The following R3HDM2 variants were observed in gnomAD, a reference collection of about 807,000 sequenced individuals.
The protein encoded by R3HDM2 is R3H domain containing 2.
In R3HDM2, 38 loss-of-function variants were observed where a neutral mutation model predicts 124.5. The observed-to-expected ratio is 0.31, with a 90% confidence interval of 0.24 to 0.40. The LOEUF is 0.40. R3HDM2 is among the 10% of genes least tolerant of loss of function. R3HDM2 has a pLI of 1.00. For missense variants in R3HDM2, 869 were observed against 1,236.9 expected (o/e 0.70, Z 4.46); for synonymous variants, 391 against 448.0 (o/e 0.87, Z 1.61).
chr12:57,387,840 C>A (rs1029276494), intron 2 of R3HDM2, among the ~76,000 whole-genome samples: 3 of 152,092 alleles, frequency 2.0e-5, no homozygotes, highest in Non-Finnish European at 4.4e-5. Flanking sequence ...GAACACCAAA[C>A]TGAGAGTAGT....
intron 17 of R3HDM2, 68 bp downstream of exon 17, chr12:57,268,854 C>G: frequency 6.4e-7 from 1 of 1,551,820 alleles, no homozygotes; most frequent in Non-Finnish European, 8.8e-7. Flanking sequence ...TATGGATGAC[C>G]CTGGGAGGCT....
chr12:57,276,408 CTG>C (rs1170502369), intron 14 of R3HDM2, among the ~76,000 whole-genome samples: 3 of 151,796 alleles, frequency 2.0e-5, no homozygotes, highest in East Asian at 3.9e-4. Flanking sequence ...GGTAAAGAAA[CTG>C]TGGTATATAC....
intron 2 of R3HDM2, among the ~76,000 whole-genome samples, chr12:57,376,682 G>A (rs563457588): frequency 6.6e-6 from 1 of 152,158 alleles, no homozygotes; most frequent in South Asian, 2.1e-4. Flanking sequence ...GGGGGCAGTG[G>A]CTCACACCTA....
At chr12:57,257,062 G>T (rs909050194) in intron 21 of R3HDM2, among the ~76,000 whole-genome samples, 1 of 151,968 alleles carries the variant, frequency 6.6e-6, no homozygotes, top group Non-Finnish European at 1.5e-5. Flanking sequence ...CAGGTGATCC[G>T]CCTGCCCCGG....
chr12:57,282,869 A>G (rs911611587), intron 13 of R3HDM2, among the ~76,000 whole-genome samples: 2 of 152,224 alleles, frequency 1.3e-5, no homozygotes, highest in Non-Finnish European at 2.9e-5. Flanking sequence ...GAGGATAACT[A>G]CAGAACTTCT....
chr12:57,344,988 C>T (rs912140825), intron 2 of R3HDM2, among the ~76,000 whole-genome samples: 1 of 152,116 alleles, frequency 6.6e-6, no homozygotes, highest in African/African-American at 2.4e-5. Flanking sequence ...GCATGCACCA[C>T]CATGTCCGGC....
intron 2 of R3HDM2, among the ~76,000 whole-genome samples, chr12:57,383,689 G>C (rs2065248066): frequency 6.6e-6 from 1 of 152,034 alleles, no homozygotes; most frequent in South Asian, 2.1e-4. Context: ...GTAACAGAGC[G>C]AGACTCCGTC....
chr12:57,349,462 G>A (rs1427872162), intron 2 of R3HDM2, among the ~76,000 whole-genome samples: 1 of 149,780 alleles, frequency 6.7e-6, no homozygotes, highest in African/African-American at 2.5e-5. Context: ...ACTAAATAGT[G>A]TTTGCAGCAT....
At chr12:57,383,594 G>T (rs1003273262) in intron 2 of R3HDM2, among the ~76,000 whole-genome samples, 1 of 152,046 alleles carries the variant, frequency 6.6e-6, no homozygotes, top group Non-Finnish European at 1.5e-5. Context: ...TGTAATCCCA[G>T]CTGCTCGGGA....
chr12:57,398,138 G>A (rs773093346), intron 1 of R3HDM2, among the ~76,000 whole-genome samples: 30 of 151,656 alleles, frequency 2.0e-4, no homozygotes, highest in Admixed American at 6.6e-4. Flanking sequence ...GAGGGGCAGA[G>A]GTTGTAATGA....
At chr12:57,263,713 T>C (rs2041487446) in intron 19 of R3HDM2, among the ~76,000 whole-genome samples, 1 of 152,118 alleles carries the variant, frequency 6.6e-6, no homozygotes. Flanking sequence ...CCTCAAGTGA[T>C]CCACCCTCCT....
chr12:57,315,182 C>T (rs866003224), intron 2 of R3HDM2, among the ~76,000 whole-genome samples: 11 of 152,048 alleles, frequency 7.2e-5, no homozygotes, highest in East Asian at 1.9e-4. Flanking sequence ...GCATTACATG[C>T]GCTCGCTTCC....
chr12:57,392,089 G>T (rs2066775752), intron 2 of R3HDM2, among the ~76,000 whole-genome samples: 1 of 152,162 alleles, frequency 6.6e-6, no homozygotes, highest in African/African-American at 2.4e-5. Flanking sequence ...CTTCAACCTG[G>T]GAGGTGGAGG....
chr12:57,343,085 T>C (rs936044326), intron 2 of R3HDM2, among the ~76,000 whole-genome samples: 1 of 151,220 alleles, frequency 6.6e-6, no homozygotes, highest in Non-Finnish European at 1.5e-5. Context: ...TAGATTAAAA[T>C]AAAGAAATTG....
At chr12:57,279,200 T>A (rs2045565547) in intron 14 of R3HDM2, among the ~76,000 whole-genome samples, 1 of 135,860 alleles carries the variant, frequency 7.4e-6, no homozygotes, top group Non-Finnish European at 1.5e-5. Flanking sequence ...TTTTTTTTTT[T>A]GAGACAGGGT....
intron 2 of R3HDM2, among the ~76,000 whole-genome samples, chr12:57,325,601 C>T (rs914510893): frequency 7.2e-5 from 11 of 152,096 alleles, no homozygotes; most frequent in Non-Finnish European, 1.3e-4. Flanking sequence ...TTCTGGAGTG[C>T]AGTGGTGTGA....
chr12:57,384,133 G>A (rs1361584855), intron 2 of R3HDM2, among the ~76,000 whole-genome samples: 2 of 152,054 alleles, frequency 1.3e-5, no homozygotes, highest in African/African-American at 2.4e-5. Context: ...AGGTCGAGGC[G>A]GGTGGATCAC....
intron 2 of R3HDM2, among the ~76,000 whole-genome samples, chr12:57,387,966 A>AATT (rs1555306418): frequency 0.01 from 1,565 of 151,104 alleles, 16 homozygotes; most frequent in Non-Finnish European, 0.017. Context: ...GACAAAAAAA[A>AATT]TTTTTTTTTT....
intron 2 of R3HDM2, among the ~76,000 whole-genome samples, chr12:57,338,244 G>A (rs75991289): frequency 0.077 from 11,761 of 152,122 alleles, 603 homozygotes; most frequent in Middle Eastern, 0.3. Context: ...CAGAGGTTGC[G>A]GTGAGCCAAG....
Sources: gnomAD v4.1 joint callset for allele counts (sites outside exome capture counted in the v4.1 genomes callset) on GRCh38, gnomAD v4.1.1 for gene constraint, MANE v1.5 for transcripts, NCBI Gene and HGNC (gene_info 2026-07-23, HGNC 2026-07-21) for gene names.